Variants in REV3L observed in about 807,000 individuals in gnomAD.
REV3L encodes the protein DNA polymerase zeta catalytic subunit.
A neutral mutation model predicts 299.4 loss-of-function variants in REV3L; 69 were observed. The ratio of observed to expected loss-of-function variants is 0.23; its 90% confidence interval spans 0.19 to 0.28. The LOEUF (loss-of-function observed/expected upper bound fraction) is 0.28, where lower values mean the gene tolerates loss of function less well. REV3L is among the 10% of genes least tolerant of loss of function. The pLI is 1.00. For synonymous variants in REV3L, 1,238 were observed against 1,271.4 expected, an observed-to-expected ratio of 0.97 and a Z score of 0.56; for missense variants, 3,128 against 3,693.8, an observed-to-expected ratio of 0.85 and a Z score of 3.97.
chr6:111,464,196 A>G (rs1010134962), intron 1 of REV3L, among the ~76,000 whole-genome samples: 1 of 152,242 alleles, frequency 6.6e-6, no homozygotes, highest in Non-Finnish European at 1.5e-5. Flanking sequence ...AGAAAAGTGG[A>G]AAAAACCTTA....
chr6:111,374,313 G>A lies in REV3L; in HGVS notation c.4042C>T (p.Leu1348=). Residue 1348 remains leucine, a synonymous_variant, in exon 13 of 32, where the codon CTA becomes TTA. Coordinates refer to ENST00000368802, the MANE Select transcript of REV3L (RefSeq NM_001372078.1). ...TTTTGAATTAACGTTGATTCCTTTA[G>A]AGTAAACATAGCACTTTGATTATGA... is the stretch of plus-strand genomic sequence containing the variant. ...RPHNQSAMFT[L]KESTLIQKNI... The A allele has an allele frequency of 6.2e-7, 1 of 1,613,874 alleles. No homozygotes were observed. Among genetic ancestry groups the A allele is most frequent in the Non-Finnish European group, 8.5e-7 (1 of 1,179,914 alleles).
At chr6:111,318,698 G>A (rs1773804782) in intron 26 of REV3L, among the ~76,000 whole-genome samples, 1 of 151,940 alleles carries the variant, frequency 6.6e-6, no homozygotes, top group East Asian at 1.9e-4. Context: ...AGCTTCCCGA[G>A]TAGCTGGGAT....
intron 1 of REV3L, among the ~76,000 whole-genome samples, chr6:111,472,592 C>A (rs907751812): frequency 2.1e-4 from 32 of 150,372 alleles, no homozygotes; most frequent in African/African-American, 6.1e-4. Context: ...AAAAAAAAAA[C>A]CACGAAATTT....
At chr6:111,479,509 C>CT (rs397758175) in intron 1 of REV3L, among the ~76,000 whole-genome samples, 13,842 of 130,078 alleles carry the variant, frequency 0.11, 962 homozygotes, top group Non-Finnish European at 0.15. Context: ...CCCCCCCCGC[C>CT]TTTTTTTTTT....
In REV3L at chr6:111,372,907, G is replaced by C. The variant is rs554649555; in HGVS notation, c.5448C>G (p.Thr1816=). The C allele has an allele frequency of 6.2e-7, 1 of 1,614,066 alleles. No homozygotes were observed. The highest frequency in any genetic ancestry group is 8.5e-7 in the Non-Finnish European group (1 of 1,179,992). ...GGGAGGAGAGTATTGCAGTAAAAGA[G>C]GTATTGGCTGAGTCAAGAGACTGTC... ...EMGQSLDSAN[T]SFTAILSSPD... Residue 1816 remains threonine, a synonymous_variant, in exon 13 of 32, where the codon ACC becomes ACG. Transcript: ENST00000368802.
Position 111,333,180 on chromosome 6 carries a change from A to G in REV3L, c.7868T>C (p.Val2623Ala). The change falls in exon 23 of 32, where the codon GTG becomes GCG. Residue 2623 changes from valine to alanine, a missense_variant. Transcript: ENST00000368802. ...GGAAAAGCAGTAGTTATATGCAATC[A>G]CAATAGAAGGATAAAGTGATTGGAA... is the stretch of plus-strand genomic sequence containing the variant. ...LDFQSLYPSI[V>A]IAYNYCFSTC... is the part of the protein sequence containing the mutation. The G allele has an allele frequency of 4.3e-6, 7 of 1,614,162 alleles. No homozygotes were observed. Among genetic ancestry groups the G allele is most frequent in the Non-Finnish European group, 5.9e-6 (7 of 1,180,018 alleles).
At chr6:111,300,778 T>C (rs1771408928) in intron 31 of REV3L, among the ~76,000 whole-genome samples, 1 of 152,220 alleles carries the variant, frequency 6.6e-6, no homozygotes, top group Admixed American at 6.5e-5. Flanking sequence ...AATTCCGTCA[T>C]CTCCGTAAGC....
intron 5 of REV3L, chr6:111,392,640 A>AT (rs1782052721): frequency 1.2e-5 from 4 of 325,132 alleles, no homozygotes; most frequent in Non-Finnish European, 2.3e-5. Context: ...AAGTATAACA[A>AT]TATCTACCTT....
chr6:111,304,617 T>C (rs1772059555), intron 31 of REV3L, among the ~76,000 whole-genome samples: 1 of 151,148 alleles, frequency 6.6e-6, no homozygotes, highest in South Asian at 2.1e-4. Flanking sequence ...CTTTTTCTTT[T>C]TTTTTTTTTT....
chr6:111,368,602 A>G (rs190637873), intron 13 of REV3L, among the ~76,000 whole-genome samples: 21 of 152,326 alleles, frequency 1.4e-4, no homozygotes, highest in Non-Finnish European at 3.1e-4. Context: ...TAACACTGAC[A>G]TAACTTAGGA....
At position 111,418,976 on chromosome 6, in the gene REV3L, T is replaced by A. The variant is rs894791018; in HGVS notation, c.140-2504A>T. ...GCCTTTGAATATCTGAAGAAACACA[T>A]CCACGAAAAAAGAGGGACTCTGATA... On this transcript the variant is annotated intron_variant, in intron 1 of 31. Coordinates refer to ENST00000368802, the MANE Select transcript of REV3L (RefSeq NM_001372078.1). 4.6e-5 allele frequency among the ~76,000 whole-genome samples: 7 copies of A among 152,012 alleles called. No homozygotes were observed. In the East Asian group the frequency reaches 7.7e-4, roughly 17 times the overall value.
chr6:111,425,314 C>G (rs1390604142), intron 1 of REV3L, among the ~76,000 whole-genome samples: 1 of 152,100 alleles, frequency 6.6e-6, no homozygotes, highest in Non-Finnish European at 1.5e-5. Context: ...AAAAAATTAG[C>G]CGGGTGTGGT....
At chr6:111,419,658 T>C (rs950392931) in intron 1 of REV3L, among the ~76,000 whole-genome samples, 1 of 152,196 alleles carries the variant, frequency 6.6e-6, no homozygotes, top group Non-Finnish European at 1.5e-5. Context: ...CAGAGGTAGG[T>C]AGCTGGTACT....
At position 111,367,890 on chromosome 6, in the gene REV3L, C is replaced by T. The variant is rs574447184; in HGVS notation, c.5898G>A (p.Gly1966=). ...FSAMTQNPRP[G]SPLRSGQGVV... ...CTCCTTGGCCACTGCGAAGGGGTGA[C>T]CCTGGCCTTGGATTCTGAGTCATTG... Residue 1966 remains glycine, a synonymous_variant, in exon 14 of 32, where the codon GGG becomes GGA. Transcript: ENST00000368802. The T allele has an allele frequency of 1.9e-6, 3 of 1,614,150 alleles. No individual in the cohort carries two copies. The South Asian group carries it at 3.3e-5, about 18-fold the overall frequency.
chr6:111,447,431 T>C (rs1361750493), intron 1 of REV3L, among the ~76,000 whole-genome samples: 1 of 152,190 alleles, frequency 6.6e-6, no homozygotes, highest in Non-Finnish European at 1.5e-5. Context: ...AAACTTCAAA[T>C]GTCACGACTC....
intron 1 of REV3L, among the ~76,000 whole-genome samples, chr6:111,468,986 C>A (rs1334708358): frequency 6.6e-6 from 1 of 151,826 alleles, no homozygotes; most frequent in African/African-American, 2.4e-5. Flanking sequence ...AATGGTGAAA[C>A]CCTGTCTCTA....
Position 111,367,529 on chromosome 6 carries a change from T to C in REV3L, c.6259A>G (p.Thr2087Ala). The change falls in exon 14 of 32, where the codon ACT becomes GCT. Residue 2087 changes from threonine (T) to alanine (A), a missense_variant. This residue lies in a region of REV3L where 2,409 missense variants were observed against 2,611.8 expected (regional missense o/e 0.92). Transcript: ENST00000368802. ...GGCAGCATCTGACTTTCACTTGCAG[T>C]TTGACTACATCCCGTGGTTGGTGCT... The part of the protein sequence containing the change: ...LQAPTTGCSQ[T>A]ASESQMLPPV... 3 of 1,612,544 alleles carry C rather than the reference T, an allele frequency of 1.9e-6. No homozygotes were observed. Among genetic ancestry groups the C allele is most frequent in the Middle Eastern group, 3.3e-4 (2 of 6,058 alleles).
chr6:111,310,937 C>G (rs1269880973), intron 29 of REV3L, 132 bp downstream of exon 29: 1 of 571,756 alleles, frequency 1.7e-6, no homozygotes, highest in East Asian at 2.9e-5. Context: ...CACTAACTTT[C>G]AGTGAGGCTT....
chr6:111,342,907 G>GAA, intron 21 of REV3L, among the ~76,000 whole-genome samples: 1 of 152,088 alleles, frequency 6.6e-6, no homozygotes, highest in African/African-American at 2.4e-5. Flanking sequence ...AGTGGTGAAA[G>GAA]AAAAAAACGC....
Sources: gnomAD v4.1 joint callset for allele counts (sites outside exome capture counted in the v4.1 genomes callset) on GRCh38, gnomAD v4.1.1 for gene constraint, gnomAD v4.1.1 regional missense constraint, MANE v1.5 for transcripts, NCBI Gene and HGNC (gene_info 2026-07-23, HGNC 2026-07-21) for gene names.